DNAJB7: variants seen among roughly 807,000 people sequenced by gnomAD.
The protein encoded by DNAJB7 is DnaJ heat shock protein family (Hsp40) member B7, also known as dnaJ homolog subfamily B member 7.
In DNAJB7, 1 loss-of-function variant was observed where a neutral mutation model predicts 1.2. That is an observed-to-expected ratio of 0.84 (90% CI 0.30 to 4.01). DNAJB7 has a LOEUF of 4.01. Ranked by LOEUF, DNAJB7 falls within the 30% of genes most tolerant of loss-of-function variation. The pLI is 0.18. For synonymous variants in DNAJB7, 128 were observed against 127.7 expected (o/e 1.00, Z -0.01); for missense variants, 420 against 358.5 (o/e 1.17, Z -1.39).
Position 40,860,670 on chromosome 22 carries a change from T to TA in DNAJB7, c.*394dup. On this transcript the variant is annotated 3_prime_UTR_variant, in exon 1 of 1. Transcript: ENST00000307221. ...TTTCCAAATTCCTTTTTTTTTTTTT[T>TA]AAGACAGGGTCTTACTTTGTCACCC... is the stretch of plus-strand genomic sequence containing the variant. 2 of 1,195,220 alleles carry TA rather than the reference T, an allele frequency of 1.7e-6. No individual in the cohort carries two copies. Among genetic ancestry groups the TA allele is most frequent in the Non-Finnish European group, 2.3e-6 (2 of 866,746 alleles). 74.0% of individuals were successfully genotyped at this position (1,195,220 alleles called of 1,614,324 possible). A position where few individuals can be genotyped will look rare whatever the true frequency, so the allele number is the denominator to read the frequency against.
chr22:40,861,898 CAG>C, the DNAJB7 span: 2 of 1,613,900 alleles, frequency 1.2e-6, no homozygotes, highest in Non-Finnish European at 1.7e-6. Context: ...GGATTTTTAT[CAG>C]GGTGCCATTT....
Position 40,861,293 on chromosome 22 carries a change from T to C in DNAJB7, c.702A>G (p.Ala234=). 5 of 1,614,194 alleles carry C rather than the reference T, an allele frequency of 3.1e-6. No homozygotes were observed. In the South Asian group the frequency reaches 5.5e-5, roughly 18 times the overall value. ...ACTGTGTTCTCCAGCTGCATTCTTT[T>C]GCAAAGCCCTCTTCATTGGCCACAC... ...VNSVANEEGF[A]KECSWRTQSF... Residue 234 remains alanine (A), a synonymous_variant, in exon 1 of 1, where the codon GCA becomes GCG. Transcript: ENST00000307221.
Position 40,861,003 on chromosome 22 carries a change from A to T in DNAJB7, c.*62T>A. 1.4e-6 allele frequency: 2 copies of T among 1,476,992 alleles called. No individual in the cohort carries two copies. Among genetic ancestry groups the T allele is most frequent in the East Asian group, 4.5e-5 (2 of 44,122 alleles). The allele number at this position is 1,476,992 out of a possible 1,614,324, so 91.5% of individuals were successfully genotyped here. On this transcript the variant is annotated 3_prime_UTR_variant, in exon 1 of 1. Transcript: ENST00000307221. ...GTATAGTATTAAGTGTTATCTACAA[A>T]ATTTGTGATTAACCAAAACACACAC...
chr22:40,859,893 G>A lies in DNAJB7; in HGVS notation c.*1172C>T, dbSNP rs769379906. On this transcript the variant is annotated 3_prime_UTR_variant, in exon 1 of 1. Coordinates refer to ENST00000307221, the MANE Select transcript of DNAJB7 (RefSeq NM_145174.2). Reference sequence around the variant, plus strand: ...AAATGGCTATAGGTGCTATTTTAGAGTAATGTATTTGTAGATTTTGTGTAC... The same window carrying A: ...AAATGGCTATAGGTGCTATTTTAGAATAATGTATTTGTAGATTTTGTGTAC... The A allele has an allele frequency of 3.3e-5, 5 of 152,088 alleles. No homozygotes were observed. Among genetic ancestry groups the A allele is most frequent in the African/African-American group, 4.8e-5 (2 of 41,408 alleles). 9.4% of individuals were successfully genotyped at this position (152,088 alleles called of 1,614,324 possible).
rs1182662296 is a variant in DNAJB7, at chr22:40,859,891, G to C, written c.*1174C>G. The C allele has an allele frequency of 1.3e-5, 2 of 152,040 alleles. No individual in the cohort carries two copies. Among genetic ancestry groups the C allele is most frequent in the Admixed American group, 6.6e-5 (1 of 15,264 alleles). 9.4% of individuals were successfully genotyped at this position (152,040 alleles called of 1,614,324 possible). On this transcript the variant is annotated 3_prime_UTR_variant, in exon 1 of 1. Transcript: ENST00000307221. ...TAAAATGGCTATAGGTGCTATTTTAGAGTAATGTATTTGTAGATTTTGTGT... is the reference window on the plus strand; with the variant it reads ...TAAAATGGCTATAGGTGCTATTTTACAGTAATGTATTTGTAGATTTTGTGT...
the DNAJB7 span, chr22:40,861,502 G>GC: frequency 1.2e-6 from 2 of 1,614,154 alleles, no homozygotes; most frequent in East Asian, 2.2e-5. Flanking sequence ...AGGCCTTCAT[G>GC]CCCCAATGAA....
chr22:40,860,094 T>C lies in DNAJB7; in HGVS notation c.*971A>G, dbSNP rs1481518353. ...TTAATTTTTTAAATTTTCTATAGTT[T>C]TTCTTTAGAGACAGGGTCACACTCT... On this transcript the variant is annotated 3_prime_UTR_variant, in exon 1 of 1. Coordinates refer to ENST00000307221, the MANE Select transcript of DNAJB7 (RefSeq NM_145174.2). 1 of 152,164 alleles carries C rather than the reference T, an allele frequency of 6.6e-6. No individual in the cohort carries two copies. 9.4% of individuals were successfully genotyped at this position (152,164 alleles called of 1,614,324 possible). A position where few individuals can be genotyped will look rare whatever the true frequency, so the allele number is the denominator to read the frequency against.
rs2057937613 is a variant in DNAJB7 at position 40,860,665 on chromosome 22, T to C, written c.*400A>G. ...GCAGTTTTCCAAATTCCTTTTTTTTTTTTTTAAGACAGGGTCTTACTTTGT... is the reference window on the plus strand; with the variant it reads ...GCAGTTTTCCAAATTCCTTTTTTTTCTTTTTAAGACAGGGTCTTACTTTGT... On this transcript the variant is annotated 3_prime_UTR_variant, in exon 1 of 1. Coordinates refer to ENST00000307221, the MANE Select transcript of DNAJB7 (RefSeq NM_145174.2). The C allele has an allele frequency of 1.5e-6, 2 of 1,303,650 alleles. No individual in the cohort carries two copies. The highest frequency in any genetic ancestry group is 2.1e-6 in the Non-Finnish European group (2 of 958,516). 80.8% of individuals were successfully genotyped at this position (1,303,650 alleles called of 1,614,324 possible).
In DNAJB7 at chr22:40,860,670, T is replaced by A. The variant is rs1282046404; in HGVS notation, c.*395A>T. On this transcript the variant is annotated 3_prime_UTR_variant, in exon 1 of 1. Coordinates refer to ENST00000307221, the MANE Select transcript of DNAJB7 (RefSeq NM_145174.2). ...TTTCCAAATTCCTTTTTTTTTTTTT[T>A]AAGACAGGGTCTTACTTTGTCACCC... 1.9e-5 allele frequency: 23 copies of A among 1,195,030 alleles called. No homozygotes were observed. The highest frequency in any genetic ancestry group is 5.3e-5 in the East Asian group (2 of 37,904). The allele number at this position is 1,195,030 out of a possible 1,614,324, so 74.0% of individuals were successfully genotyped here.
chr22:40,860,685 C>G lies in DNAJB7; in HGVS notation c.*380G>C. The G allele has an allele frequency of 8.5e-7, 1 of 1,177,236 alleles. No homozygotes were observed. Among genetic ancestry groups the G allele is most frequent in the Non-Finnish European group, 1.2e-6 (1 of 850,368 alleles). 72.9% of individuals were successfully genotyped at this position (1,177,236 alleles called of 1,614,324 possible). On this transcript the variant is annotated 3_prime_UTR_variant, in exon 1 of 1. Coordinates refer to ENST00000307221, the MANE Select transcript of DNAJB7 (RefSeq NM_145174.2). Reference sequence around the variant, plus strand: ...TTTTTTTTTTTAAGACAGGGTCTTACTTTGTCACCCAAGCTGGAGTGCAGT... The same window carrying G: ...TTTTTTTTTTTAAGACAGGGTCTTAGTTTGTCACCCAAGCTGGAGTGCAGT...
rs1387627391 is a variant in DNAJB7, at chr22:40,860,581, A to G, written c.*484T>C. 4.2e-6 allele frequency: 5 copies of G among 1,187,828 alleles called. No individual in the cohort carries two copies. The African/African-American group carries it at 7.8e-5, about 19-fold the overall frequency. The allele number at this position is 1,187,828 out of a possible 1,614,324, so 73.6% of individuals were successfully genotyped here. ...AGTTTGTATAGTGGTTTTAATTAGA[A>G]AAAAGAAAAATAGGCTATAAACTCT... On this transcript the variant is annotated 3_prime_UTR_variant, in exon 1 of 1. Transcript: ENST00000307221.
chr22:40,859,757 A>T lies in DNAJB7; in HGVS notation c.*1308T>A, dbSNP rs1601483577. 6.6e-6 allele frequency: 1 copy of T among 152,302 alleles called. No individual in the cohort carries two copies. The highest frequency in any genetic ancestry group is 1.5e-5 in the Non-Finnish European group (1 of 68,010). 9.4% of individuals were successfully genotyped at this position (152,302 alleles called of 1,614,324 possible). On this transcript the variant is annotated 3_prime_UTR_variant, in exon 1 of 1. Coordinates refer to ENST00000307221, the MANE Select transcript of DNAJB7 (RefSeq NM_145174.2). Reference sequence around the variant, plus strand: ...AATTTTTTTCTAATTTCGCATTTGTATTTGGCCAAAGTTGAATAAGTTTTA... The same window carrying T: ...AATTTTTTTCTAATTTCGCATTTGTTTTTGGCCAAAGTTGAATAAGTTTTA...
Position 40,860,924 on chromosome 22 carries a change from A to G in DNAJB7, c.*141T>C. The G allele has an allele frequency of 1.2e-6, 1 of 860,786 alleles. No individual in the cohort carries two copies. Among genetic ancestry groups the G allele is most frequent in the Non-Finnish European group, 1.7e-6 (1 of 579,418 alleles). The allele number at this position is 860,786 out of a possible 1,614,324, so 53.3% of individuals were successfully genotyped here. On this transcript the variant is annotated 3_prime_UTR_variant, in exon 1 of 1. Coordinates refer to ENST00000307221, the MANE Select transcript of DNAJB7 (RefSeq NM_145174.2). ...ATCCTTTTCTGACATACCCATTCAA[A>G]AAAACTACTAACCAAATGTCCACAA...
At position 40,862,021 on chromosome 22, in the gene DNAJB7, G is replaced by A. The variant is rs753960771; in HGVS notation, c.-27C>T. 1 of 1,558,886 alleles carries A rather than the reference G, an allele frequency of 6.4e-7. No homozygotes were observed. The highest frequency in any genetic ancestry group is 2.0e-5 in the Admixed American group (1 of 50,762). On this transcript the variant is annotated 5_prime_UTR_variant, in exon 1 of 1. Coordinates refer to ENST00000307221, the MANE Select transcript of DNAJB7 (RefSeq NM_145174.2). The stretch of plus-strand genomic sequence containing the variant: ...TTTTAACAGATAGTTGGAAGTGGGT[G>A]TGCTGGGTATTGAGAACCGTGGTTT...
Position 40,860,804 on chromosome 22 carries a change from C to T in DNAJB7, c.*261G>A. ...TAGCTGGGACTACAGGTGCACACCA[C>T]CACACTTGGCTAATTTTTAAATTTT... On this transcript the variant is annotated 3_prime_UTR_variant, in exon 1 of 1. Coordinates refer to ENST00000307221, the MANE Select transcript of DNAJB7 (RefSeq NM_145174.2). The T allele has an allele frequency of 1.6e-6, 1 of 637,016 alleles. No homozygotes were observed. 39.5% of individuals were successfully genotyped at this position (637,016 alleles called of 1,614,324 possible). A position where few individuals can be genotyped will look rare whatever the true frequency, so the allele number is the denominator to read the frequency against.
Position 40,860,595 on chromosome 22 carries a change from G to C in DNAJB7, c.*470C>G. On this transcript the variant is annotated 3_prime_UTR_variant, in exon 1 of 1. Coordinates refer to ENST00000307221, the MANE Select transcript of DNAJB7 (RefSeq NM_145174.2). ...TTTTAATTAGAAAAAAGAAAAATAG[G>C]CTATAAACTCTACTAAAGAAAAATT... 3 of 1,229,170 alleles carry C rather than the reference G, an allele frequency of 2.4e-6. No homozygotes were observed. Among genetic ancestry groups the C allele is most frequent in the Non-Finnish European group, 3.3e-6 (3 of 922,892 alleles). 76.1% of individuals were successfully genotyped at this position (1,229,170 alleles called of 1,614,324 possible).
rs1388863878 is a variant in DNAJB7 at position 40,861,922 on chromosome 22, T to C, written c.73A>G (p.Lys25Glu). ...SPEDIKKAYH[K>E]VALKWHPDKN... Reference sequence around the variant, plus strand: ...TCAGGGTGCCATTTAAGTGCCACTTTATGATAAGCTTTTTTAATGTCCTCA... The same window carrying C: ...TCAGGGTGCCATTTAAGTGCCACTTCATGATAAGCTTTTTTAATGTCCTCA... Residue 25 changes from lysine to glutamate, a missense_variant, in exon 1 of 1, where the codon AAA (lysine) becomes GAA (glutamate). Lys to Glu is a moderately conservative substitution (Grantham distance 56). Coordinates refer to ENST00000307221, the MANE Select transcript of DNAJB7 (RefSeq NM_145174.2). The C allele has an allele frequency of 6.2e-7, 1 of 1,613,522 alleles. No homozygotes were observed. Among genetic ancestry groups the C allele is most frequent in the South Asian group, 1.1e-5 (1 of 90,986 alleles).
Position 40,861,028 on chromosome 22 carries a change from C to G in DNAJB7, c.*37G>C, listed in dbSNP as rs773954159. ...AATTTGTGATTAACCAAAACACACA[C>G]AATTGTGTTCAAATGTTATATATTT... On this transcript the variant is annotated 3_prime_UTR_variant, in exon 1 of 1. Transcript: ENST00000307221. 6.5e-7 allele frequency: 1 copy of G among 1,534,944 alleles called. No homozygotes were observed. The highest frequency in any genetic ancestry group is 1.3e-5 in the South Asian group (1 of 76,866).
rs901860301 is a variant in DNAJB7 at position 40,861,500 on chromosome 22, A to G, written c.495T>C (p.His165=). The G allele has an allele frequency of 9.9e-6, 16 of 1,614,076 alleles. No homozygotes were observed. Among genetic ancestry groups the G allele is most frequent in the Non-Finnish European group, 1.4e-5 (16 of 1,180,040 alleles). ...GGGAAGAGAAAGAAGTAAGGCCTTC[A>G]TGCCCCAATGAACCCTGTGATGTAT... ...TGYTSQGSLG[H]EGLTSFSSLA... The change falls in exon 1 of 1, where the codon CAT becomes CAC. Residue 165 remains histidine, a synonymous_variant. Transcript: ENST00000307221.
Sources: allele counts gnomAD v4.1 joint callset, GRCh38; gene constraint gnomAD v4.1.1; transcripts MANE v1.5; gene names NCBI Gene and HGNC (gene_info 2026-07-23, HGNC 2026-07-21).